Variants in TRAK1 observed in about 807,000 individuals in gnomAD.
The protein encoded by TRAK1 is trafficking kinesin-binding protein 1.
In TRAK1, 33 loss-of-function variants were observed where a neutral mutation model predicts 92.1. The ratio of observed to expected loss-of-function variants is 0.36; its 90% confidence interval spans 0.27 to 0.48. TRAK1 has a LOEUF of 0.48. Ranked by LOEUF, TRAK1 falls within the 20% of genes least tolerant of loss-of-function variation. The pLI, the probability that TRAK1 is intolerant of heterozygous loss-of-function variation, is 0.99. For missense variants in TRAK1, 1,123 were observed against 1,257.9 expected (o/e 0.89, Z 1.62); for synonymous variants, 521 against 517.3 (o/e 1.01, Z -0.10).
upstream of TRAK1, among the ~76,000 whole-genome samples, chr3:42,089,676 C>CA (rs1553711838): frequency 3.3e-5 from 1 of 30,556 alleles, no homozygotes; most frequent in Non-Finnish European, 7.4e-5. Context: ...CTTTTTGTGA[C>CA]CCCCCCCCAA....
At chr3:42,056,164 G>A (rs544269524) in intron 1 of TRAK1, among the ~76,000 whole-genome samples, 22 of 151,744 alleles carry the variant, frequency 1.4e-4, no homozygotes, top group Non-Finnish European at 2.9e-4. Flanking sequence ...TTTTTTTATT[G>A]TGGACATTTG....
At chr3:42,061,579 AT>A (rs1480452647) in intron 1 of TRAK1, among the ~76,000 whole-genome samples, 1 of 152,046 alleles carries the variant, frequency 6.6e-6, no homozygotes, top group African/African-American at 2.4e-5. Flanking sequence ...CTTGAACTTT[AT>A]TTAGTAGAAG....
intron 1 of TRAK1, among the ~76,000 whole-genome samples, chr3:42,123,701 A>T (rs563603757): frequency 5.2e-4 from 65 of 124,692 alleles, no homozygotes; most frequent in Admixed American, 2.4e-3. Context: ...TATTTGTCAC[A>T]AGTATTTTTT....
chr3:42,092,673 C>CTTTA, intron 1 of TRAK1, among the ~76,000 whole-genome samples: 1 of 79,058 alleles, frequency 1.3e-5, no homozygotes, highest in Non-Finnish European at 2.9e-5. Context: ...GAATTTGTTC[C>CTTTA]TTTTATTTTG....
chr3:42,074,858 C>A (rs1350007223), intron 1 of TRAK1, among the ~76,000 whole-genome samples: 1 of 152,124 alleles, frequency 6.6e-6, no homozygotes, highest in East Asian at 1.9e-4. Flanking sequence ...TACGCTCCAC[C>A]TTCAAGTAGG....
intron 2 of TRAK1, among the ~76,000 whole-genome samples, chr3:42,138,047 A>G (rs1698169577): frequency 6.6e-6 from 1 of 152,178 alleles, no homozygotes; most frequent in South Asian, 2.1e-4. Flanking sequence ...TGTATTGCAA[A>G]ATAGGCATTA....
intron 12 of TRAK1, among the ~76,000 whole-genome samples, chr3:42,201,852 CTGGACGGA>C (rs1220180592): frequency 1.3e-4 from 11 of 83,176 alleles, no homozygotes; most frequent in Non-Finnish European, 2.5e-4. Flanking sequence ...CCTGCAGAAC[CTGGACGGA>C]CGGACGGACG....
chr3:42,058,248 T>C (rs1703278663), intron 1 of TRAK1, among the ~76,000 whole-genome samples: 2 of 152,264 alleles, frequency 1.3e-5, no homozygotes, highest in Admixed American at 1.3e-4. Context: ...TGTTTGTAAG[T>C]ATGCTTTTGC....
intron 1 of TRAK1, among the ~76,000 whole-genome samples, chr3:42,079,588 T>C (rs1419468400): frequency 6.6e-6 from 1 of 151,390 alleles, no homozygotes; most frequent in Non-Finnish European, 1.5e-5. Flanking sequence ...CAAGCAATTC[T>C]CCTGCCTCAA....
At chr3:42,186,276 C>A (rs1704838093) in intron 4 of TRAK1, among the ~76,000 whole-genome samples, 1 of 152,180 alleles carries the variant, frequency 6.6e-6, no homozygotes, top group Non-Finnish European at 1.5e-5. Context: ...GCCCCTGCGC[C>A]TGGCCTCTTC....
Position 42,125,544 on chromosome 3 carries a change from A to G in TRAK1, c.216A>G (p.Thr72=), listed in dbSNP as rs753499892. 7 of 1,614,016 alleles carry G rather than the reference A, an allele frequency of 4.3e-6. No individual in the cohort carries two copies. The highest frequency in any genetic ancestry group is 4.5e-5 in the East Asian group (2 of 44,898). Residue 72 remains threonine (T), a synonymous_variant, in exon 2 of 16, where the codon ACA becomes ACG. Coordinates refer to ENST00000327628, the MANE Select transcript of TRAK1 (RefSeq NM_001042646.3). The part of the protein sequence containing the change: ...YGYDHDDWLH[T]PLISPDANID... ...ATGACCACGACGACTGGCTCCATAC[A>G]CCTCTCATTTCTCCAGATGCCAACA...
intron 2 of TRAK1, among the ~76,000 whole-genome samples, chr3:42,134,487 C>T (rs112740014): frequency 0.073 from 11,031 of 151,120 alleles, 447 homozygotes; most frequent in Middle Eastern, 0.15. Flanking sequence ...CATGTTGCCT[C>T]GGCTGTCTCA....
intron 2 of TRAK1, among the ~76,000 whole-genome samples, chr3:42,134,739 C>T (rs552228951): frequency 8.3e-4 from 126 of 151,772 alleles, no homozygotes; most frequent in Middle Eastern, 3.4e-3. Flanking sequence ...GGCGCACGCC[C>T]GGCTAATTTT....
At chr3:42,049,946 A>G (rs1702914484) in intron 1 of TRAK1, among the ~76,000 whole-genome samples, 1 of 152,084 alleles carries the variant, frequency 6.6e-6, no homozygotes, top group Non-Finnish European at 1.5e-5. Flanking sequence ...TCAGGTGTCT[A>G]GTGGTCTTTG....
chr3:42,058,107 T>C (rs1213622738), intron 1 of TRAK1, among the ~76,000 whole-genome samples: 1 of 152,182 alleles, frequency 6.6e-6, no homozygotes, highest in Admixed American at 6.5e-5. Flanking sequence ...TCTGCCACAG[T>C]GGGCATTTCA....
intron 1 of TRAK1, among the ~76,000 whole-genome samples, chr3:42,092,763 G>GTTATGTTATGTTATGTTATA (rs67683529): frequency 0.015 from 2,215 of 147,794 alleles, 49 homozygotes; most frequent in Admixed American, 0.025. Flanking sequence ...GTTATGTTAT[G>GTTATGTTATGTTATGTTATA]TTATGTTATT....
At chr3:42,198,702 G>A (rs1274485712) in intron 10 of TRAK1, among the ~76,000 whole-genome samples, 2 of 152,302 alleles carry the variant, frequency 1.3e-5, no homozygotes, top group Admixed American at 1.3e-4. Context: ...CTTAGACACA[G>A]AGGGGGTGTG....
intron 1 of TRAK1, among the ~76,000 whole-genome samples, chr3:42,053,280 A>G (rs1703054110): frequency 6.6e-6 from 1 of 151,668 alleles, no homozygotes; most frequent in South Asian, 2.1e-4. Flanking sequence ...CGTGTGAAGA[A>G]AAAGAAAAGG....
At chr3:42,039,381 T>C (rs2148900082) in intron 1 of TRAK1, among the ~76,000 whole-genome samples, 1 of 152,332 alleles carries the variant, frequency 6.6e-6, no homozygotes, top group South Asian at 2.1e-4. Context: ...ATTTATTTCT[T>C]GAAATGGAGT....
Sources: allele counts gnomAD v4.1 joint callset (sites outside exome capture counted in the v4.1 genomes callset), GRCh38; gene constraint gnomAD v4.1.1; transcripts MANE v1.5; gene names NCBI Gene and HGNC (gene_info 2026-07-23, HGNC 2026-07-21).